The following JARID2 variants were observed in gnomAD, a reference collection of about 807,000 sequenced individuals.
JARID2 encodes the protein protein Jumonji.
JARID2 carries 21 observed loss-of-function variants against 125.6 expected under a neutral mutation model. The observed-to-expected ratio is 0.17, with a 90% CI of 0.12 to 0.24. JARID2 has a LOEUF of 0.24. Among genes scored for constraint, JARID2 ranks in the 10% least tolerant of loss-of-function variants. JARID2 has a pLI of 1.00. For synonymous variants in JARID2, 736 were observed against 661.6 expected (o/e 1.11, Z -1.73); for missense variants, 1,303 against 1,639.6 (o/e 0.79, Z 3.55).
chr6:15,435,932 G>A (rs940668906), intron 3 of JARID2, among the ~76,000 whole-genome samples: 3 of 152,024 alleles, frequency 2.0e-5, no homozygotes, highest in African/African-American at 4.8e-5. Context: ...CTATTGAAAT[G>A]GGGAAGGTTT....
chr6:15,380,045 G>T (rs963244321), intron 2 of JARID2, among the ~76,000 whole-genome samples: 1 of 151,552 alleles, frequency 6.6e-6, no homozygotes, highest in Non-Finnish European at 1.5e-5. Context: ...GGGGCCGGGG[G>T]TGAGGGGATG....
At chr6:15,307,129 C>G (rs1447145363) in intron 1 of JARID2, among the ~76,000 whole-genome samples, 1 of 151,924 alleles carries the variant, frequency 6.6e-6, no homozygotes, top group Non-Finnish European at 1.5e-5. Flanking sequence ...GTAGTCCCAG[C>G]TACTCAGGAG....
Position 15,380,818 on chromosome 6 carries a change from T to C in JARID2, c.181+6566T>C, listed in dbSNP as rs150968437. Among the ~76,000 whole-genome samples the C allele has an allele frequency of 3.8e-3, 581 of 152,308 alleles. 4 individuals are homozygous for C. The highest frequency in any genetic ancestry group is 0.013 in the African/African-American group (560 of 41,552). On this transcript the variant is annotated intron_variant, in intron 2 of 17. Transcript: ENST00000341776. ...TAACAAAATATGTTCACACAAGTCA[T>C]AAAAACGTATTTGTGAATCAAAATA...
At chr6:15,293,948 T>C (rs1055693655) in intron 1 of JARID2, among the ~76,000 whole-genome samples, 1 of 152,224 alleles carries the variant, frequency 6.6e-6, no homozygotes, top group Admixed American at 6.5e-5. Flanking sequence ...AAGTTGATCT[T>C]TCTCTATCTC....
chr6:15,309,075 T>G (rs1230930647), intron 1 of JARID2, among the ~76,000 whole-genome samples: 1 of 152,204 alleles, frequency 6.6e-6, no homozygotes, highest in Non-Finnish European at 1.5e-5. Context: ...GCTGCAAGAT[T>G]GATGTTGGAT....
At chr6:15,479,965 C>T (rs1449720359) in intron 5 of JARID2, among the ~76,000 whole-genome samples, 2 of 152,218 alleles carry the variant, frequency 1.3e-5, no homozygotes, top group Admixed American at 6.5e-5. Context: ...TGAACTGGCT[C>T]CAGGGAGCAA....
chr6:15,284,449 TTCCCAGACTCAGGA>T (rs1760914867), intron 1 of JARID2, among the ~76,000 whole-genome samples: 1 of 152,124 alleles, frequency 6.6e-6, no homozygotes, highest in Non-Finnish European at 1.5e-5. Flanking sequence ...TACTCCAGAG[TTCCCAGACTCAGGA>T]TCCACTTAAA....
intron 3 of JARID2, among the ~76,000 whole-genome samples, chr6:15,448,175 A>C (rs1767756511): frequency 6.6e-6 from 1 of 152,180 alleles, no homozygotes; most frequent in South Asian, 2.1e-4. Flanking sequence ...ACAAATGTTT[A>C]ATCACTTGGG....
intron 3 of JARID2, among the ~76,000 whole-genome samples, chr6:15,415,680 G>C (rs1336805082): frequency 6.9e-6 from 1 of 145,616 alleles, no homozygotes; most frequent in Non-Finnish European, 1.5e-5. Context: ...CGGGGTGGCT[G>C]GCCGGGCGGG....
chr6:15,412,331 AAG>A (rs1242140742), intron 3 of JARID2, among the ~76,000 whole-genome samples: 1 of 152,056 alleles, frequency 6.6e-6, no homozygotes, highest in Non-Finnish European at 1.5e-5. Context: ...TGAGGGAGAC[AAG>A]AGTCTCGCTC....
chr6:15,253,165 G>A (rs776688672), intron 1 of JARID2, among the ~76,000 whole-genome samples: 5 of 152,038 alleles, frequency 3.3e-5, no homozygotes, highest in African/African-American at 4.8e-5. Flanking sequence ...CTGGGTTCAA[G>A]CTATTCTCCC....
Position 15,520,685 on chromosome 6 carries a change from A to G in JARID2, c.*434A>G, listed in dbSNP as rs72837837. ...ATTTTTTAGAAGGGATAGGAGACACACGCGCACACACACACACACACGAAA... is the reference window on the plus strand; with the variant it reads ...ATTTTTTAGAAGGGATAGGAGACACGCGCGCACACACACACACACACGAAA... On this transcript the variant is annotated 3_prime_UTR_variant, in exon 18 of 18. Transcript: ENST00000341776. 299 of 337,258 alleles carry G rather than the reference A, an allele frequency of 8.9e-4. No homozygotes were observed. Among genetic ancestry groups the G allele is most frequent in the Admixed American group, 1.3e-3 (43 of 32,652 alleles). The allele number at this position is 337,258 out of a possible 1,614,324, so 20.9% of individuals were successfully genotyped here. A position where few individuals can be genotyped will look rare whatever the true frequency, so the allele number is the denominator to read the frequency against.
chr6:15,464,411 C>G (rs987671221), intron 4 of JARID2, among the ~76,000 whole-genome samples: 1 of 152,142 alleles, frequency 6.6e-6, no homozygotes, highest in Non-Finnish European at 1.5e-5. Flanking sequence ...TGAGGGTGCC[C>G]GACCAAATTC....
intron 1 of JARID2, among the ~76,000 whole-genome samples, chr6:15,288,109 A>G (rs538791127): frequency 1.2e-4 from 18 of 152,344 alleles, no homozygotes; most frequent in Non-Finnish European, 1.9e-4. Flanking sequence ...ATGGTGGCAT[A>G]TTAGGCCATT....
At chr6:15,431,895 T>C (rs1032779288) in intron 3 of JARID2, among the ~76,000 whole-genome samples, 5 of 152,178 alleles carry the variant, frequency 3.3e-5, no homozygotes, top group Non-Finnish European at 1.5e-5. Flanking sequence ...GAAAGGACTC[T>C]TATCTCTTGT....
At chr6:15,424,674 A>G (rs905122434) in intron 3 of JARID2, among the ~76,000 whole-genome samples, 1 of 152,154 alleles carries the variant, frequency 6.6e-6, no homozygotes, top group Non-Finnish European at 1.5e-5. Flanking sequence ...TGTGACCAAC[A>G]TGGAGAACCC....
At chr6:15,413,032 T>TTTTTTTTTTTTTTTG in intron 3 of JARID2, among the ~76,000 whole-genome samples, 1 of 139,212 alleles carries the variant, frequency 7.2e-6, no homozygotes, top group South Asian at 2.3e-4. Flanking sequence ...TGTTTTTTTT[T>TTTTTTTTTTTTTTTG]TTTTGAGACT....
At chr6:15,414,840 C>A (rs1766061212) in intron 3 of JARID2, among the ~76,000 whole-genome samples, 1 of 150,806 alleles carries the variant, frequency 6.6e-6, no homozygotes, top group African/African-American at 2.4e-5. Context: ...TTTTATTGAT[C>A]ATTCTTGGGT....
At chr6:15,294,334 A>C in intron 1 of JARID2, among the ~76,000 whole-genome samples, 1 of 152,190 alleles carries the variant, frequency 6.6e-6, no homozygotes, top group Non-Finnish European at 1.5e-5. Flanking sequence ...CTGGGACTAT[A>C]GGTGCGTGCC....
Sources: allele counts gnomAD v4.1 joint callset (sites outside exome capture counted in the v4.1 genomes callset), GRCh38; gene constraint gnomAD v4.1.1; transcripts MANE v1.5; gene names NCBI Gene and HGNC (gene_info 2026-07-23, HGNC 2026-07-21).